Variants in SLC2A11 observed in about 807,000 individuals in gnomAD.
SLC2A11 encodes the protein solute carrier family 2, facilitated glucose transporter member 11.
SLC2A11 carries 43 observed loss-of-function variants against 52.1 expected under a neutral mutation model. The observed-to-expected ratio is 0.82, with a 90% CI of 0.65 to 1.06. The LOEUF is 1.06. Ranked by LOEUF, SLC2A11 falls within the 50% of genes least tolerant of loss-of-function variation. The pLI, the probability that SLC2A11 is intolerant of heterozygous loss-of-function variation, is 0.00. For missense variants in SLC2A11, 582 were observed against 654.2 expected (o/e 0.89, Z 1.20); for synonymous variants, 261 against 277.6 (o/e 0.94, Z 0.59).
intron 2 of SLC2A11, 193 bp from the exon 3 acceptor site, chr22:23,868,288 C>T (rs966504953): frequency 6.6e-6 from 4 of 605,862 alleles, no homozygotes; most frequent in Non-Finnish European, 1.1e-5. Flanking sequence ...CATGAAAGAA[C>T]CAGCATGGTG....
chr22:23,877,234 C>T, intron 5 of SLC2A11, 63 bp downstream of exon 5: 3 of 1,571,012 alleles, frequency 1.9e-6, no homozygotes, highest in Non-Finnish European at 2.6e-6. Flanking sequence ...CGTTTCTTCA[C>T]CTAAATGTCT....
chr22:23,877,036 G>T lies in SLC2A11; in HGVS notation c.416-6G>T. Reference sequence around the variant, plus strand: ...GCTGACGTGCCTCTGCTGTGCACACGTCCAGGTGTGAGCATGAACATCCAG... The same window carrying T: ...GCTGACGTGCCTCTGCTGTGCACACTTCCAGGTGTGAGCATGAACATCCAG... On this transcript the variant is annotated splice_polypyrimidine_tract_variant and splice_region_variant and intron_variant, in intron 4 of 11. Coordinates refer to ENST00000316185, the MANE Select transcript of SLC2A11 (RefSeq NM_001024939.4). 6.2e-7 allele frequency: 1 copy of T among 1,613,898 alleles called. No homozygotes were observed.
intron 3 of SLC2A11, among the ~76,000 whole-genome samples, chr22:23,874,597 G>A (rs1265189468): frequency 6.6e-6 from 1 of 152,018 alleles, no homozygotes; most frequent in Admixed American, 6.6e-5. Flanking sequence ...TTACAGGCAT[G>A]TGCCACCATG....
At chr22:23,860,438 A>G (rs1360530583) in intron 1 of SLC2A11, among the ~76,000 whole-genome samples, 1 of 151,738 alleles carries the variant, frequency 6.6e-6, no homozygotes, top group Non-Finnish European at 1.5e-5. Flanking sequence ...AAAATCACCA[A>G]AGGAGAAAGA....
At chr22:23,863,607 GGTTTTTTTTTTT>G (rs1372140016) in intron 2 of SLC2A11, among the ~76,000 whole-genome samples, 2 of 113,168 alleles carry the variant, frequency 1.8e-5, no homozygotes, top group Non-Finnish European at 3.8e-5. Context: ...CTCTCTCTCT[GGTTTTTTTTTTT>G]TTTTTTTTTT....
chr22:23,862,047 C>G, intron 1 of SLC2A11, 57 bp from the exon 2 acceptor site: 1 of 1,423,068 alleles, frequency 7.0e-7, no homozygotes, highest in East Asian at 2.3e-5. Context: ...CAGCTCTGGT[C>G]CAGGGAGGGG....
chr22:23,868,203 A>G, intron 2 of SLC2A11: 1 of 499,250 alleles, frequency 2.0e-6, no homozygotes, highest in Non-Finnish European at 3.6e-6. Flanking sequence ...GTATTGTGTG[A>G]GTAGAGAGAA....
chr22:23,884,731 A>C lies in SLC2A11; in HGVS notation c.1382A>C (p.Glu461Ala). 1.2e-6 allele frequency: 2 copies of C among 1,614,054 alleles called. No individual in the cohort carries two copies. Among genetic ancestry groups the C allele is most frequent in the Non-Finnish European group, 1.7e-6 (2 of 1,180,004 alleles). ...ATCTACACTGGCCTGTTCCTTCCTG[A>C]GACCAAAGGCAAGACCTTCCAAGAG... Reference protein sequence around the residue: ...GAIYTGLFLPETKGKTFQEIS... With the variant: ...GAIYTGLFLPATKGKTFQEIS... Residue 461 changes from glutamate to alanine, a missense_variant, in exon 12 of 12, where the codon GAG (glutamate) becomes GCG (alanine). Glu to Ala is a moderately radical substitution (Grantham distance 107). Coordinates refer to ENST00000316185, the MANE Select transcript of SLC2A11 (RefSeq NM_001024939.4). The surrounding 1 kb of genome is among the most constrained non-coding windows in gnomAD (Gnocchi z 4.3).
Position 23,882,439 on chromosome 22 carries a change from T to C in SLC2A11, c.695-20T>C. The stretch of plus-strand genomic sequence containing the variant: ...AGGGGCTTGGGGACGGGGAGCTCAG[T>C]ACCCTCCTCCCTGGCTCAGCACTAC... On this transcript the variant is annotated intron_variant, in intron 6 of 11. Coordinates refer to ENST00000316185, the MANE Select transcript of SLC2A11 (RefSeq NM_001024939.4). 1 of 1,514,062 alleles carries C rather than the reference T, an allele frequency of 6.6e-7. No individual in the cohort carries two copies. The highest frequency in any genetic ancestry group is 8.8e-7 in the Non-Finnish European group (1 of 1,133,458). The allele number at this position is 1,514,062 out of a possible 1,614,324, so 93.8% of individuals were successfully genotyped here.
chr22:23,882,807 G>C lies in SLC2A11; in HGVS notation c.931G>C (p.Ala311Pro). 1 of 1,613,956 alleles carries C rather than the reference G, an allele frequency of 6.2e-7. No homozygotes were observed. Reference sequence around the variant, plus strand: ...GTTCCGGAAGGCAGGAGTGCCGGAAGCGAAGATCCAGTACGCGATCATCGG... The same window carrying C: ...GTTCCGGAAGGCAGGAGTGCCGGAACCGAAGATCCAGTACGCGATCATCGG... ...SVFRKAGVPE[A>P]KIQYAIIGTG... Residue 311 changes from alanine to proline, a missense_variant, in exon 8 of 12, where the codon GCG becomes CCG. Coordinates refer to ENST00000316185, the MANE Select transcript of SLC2A11 (RefSeq NM_001024939.4).
At chr22:23,860,508 G>C (rs1369972130) in intron 1 of SLC2A11, among the ~76,000 whole-genome samples, 1 of 152,088 alleles carries the variant, frequency 6.6e-6, no homozygotes, top group Admixed American at 6.6e-5. Flanking sequence ...GGTGGCTCAC[G>C]TCTGTAATCT....
rs962193742 is a variant in SLC2A11, at chr22:23,862,307, G to A, written c.129+105G>A. ...AGGCATCCACTAGGTGGCACTTTCTGCCACAAGTTTGTCTCCATTGGGTTG... is the reference window on the plus strand; with the variant it reads ...AGGCATCCACTAGGTGGCACTTTCTACCACAAGTTTGTCTCCATTGGGTTG... On this transcript the variant is annotated intron_variant, in intron 2 of 11. Coordinates refer to ENST00000316185, the MANE Select transcript of SLC2A11 (RefSeq NM_001024939.4). The A allele has an allele frequency of 1.7e-5, 18 of 1,056,134 alleles. No individual in the cohort carries two copies. In the African/African-American group the frequency reaches 1.9e-4, roughly 11 times the overall value. 65.4% of individuals were successfully genotyped at this position (1,056,134 alleles called of 1,614,324 possible). A position where few individuals can be genotyped will look rare whatever the true frequency, so the allele number is the denominator to read the frequency against.
chr22:23,884,106 G>A lies in SLC2A11; in HGVS notation c.1171+82G>A. The A allele has an allele frequency of 6.4e-7, 1 of 1,556,362 alleles. No homozygotes were observed. The highest frequency in any genetic ancestry group is 1.2e-5 in the South Asian group (1 of 86,356). The stretch of plus-strand genomic sequence containing the variant: ...GCCTGGGTGCACAGTGGGTGGGTGT[G>A]AATGCAATGTCCCCTGCAGGCCCTC... On this transcript the variant is annotated intron_variant, in intron 10 of 11. Coordinates refer to ENST00000316185, the MANE Select transcript of SLC2A11 (RefSeq NM_001024939.4). The surrounding 1 kb of genome is among the most constrained non-coding windows in gnomAD (Gnocchi z 4.3).
chr22:23,882,845 C>G lies in SLC2A11; in HGVS notation c.969C>G (p.Cys323Trp). 6.2e-7 allele frequency: 1 copy of G among 1,613,308 alleles called. No individual in the cohort carries two copies. The highest frequency in any genetic ancestry group is 8.5e-7 in the Non-Finnish European group (1 of 1,179,674). Reference sequence around the variant, plus strand: ...ACGCGATCATCGGGACTGGGAGCTGCGAGCTGCTCACGGCGGTTGTTAGTG... The same window carrying G: ...ACGCGATCATCGGGACTGGGAGCTGGGAGCTGCTCACGGCGGTTGTTAGTG... ...IQYAIIGTGS[C>W]ELLTAVVSCV... The change falls in exon 8 of 12, where the codon TGC (cysteine) becomes TGG (tryptophan). Residue 323 changes from cysteine (C) to tryptophan (W), a missense_variant. Transcript: ENST00000316185.
rs76648901 is a variant in SLC2A11, at chr22:23,867,496, C to A, written c.130-985C>A. The A allele has an allele frequency of 8.1e-3, 2,646 of 325,296 alleles. 49 individuals carry two copies. Among genetic ancestry groups the A allele is most frequent in the African/African-American group, 0.046 (2,131 of 46,226 alleles). 20.2% of individuals were successfully genotyped at this position (325,296 alleles called of 1,614,324 possible). On this transcript the variant is annotated intron_variant, in intron 2 of 11. Coordinates refer to ENST00000316185, the MANE Select transcript of SLC2A11 (RefSeq NM_001024939.4). ...TACAGGTGTGAGCCACCGTGCCTGG[C>A]CACGGAATTTCTTGAGTGATAGGAG... is the stretch of plus-strand genomic sequence containing the variant.
chr22:23,877,090 A>T lies in SLC2A11; in HGVS notation c.464A>T (p.Lys155Met), dbSNP rs761282787. Residue 155 changes from lysine to methionine, a missense_variant, in exon 5 of 12, where the codon AAG (lysine) becomes ATG (methionine). Transcript: ENST00000316185. ...ATGTACCTGGGGGAGAGCGCCCCTA[A>T]GGAGCTCCGAGGAGCTGTGGCCATG... ...QPMYLGESAP[K>M]ELRGAVAMSS... The T allele has an allele frequency of 5.0e-6, 8 of 1,613,788 alleles. No homozygotes were observed. The highest frequency in any genetic ancestry group is 6.8e-6 in the Non-Finnish European group (8 of 1,179,976).
upstream of SLC2A11, chr22:23,857,356 TGC>T: frequency 6.8e-7 from 1 of 1,467,498 alleles, no homozygotes. Context: ...TGCTGGCACT[TGC>T]GAGGGCGAAT....
chr22:23,878,461 C>T (rs1271699991), intron 6 of SLC2A11, among the ~76,000 whole-genome samples: 1 of 152,104 alleles, frequency 6.6e-6, no homozygotes, highest in Non-Finnish European at 1.5e-5. Context: ...ACTTTTGGTA[C>T]CAACGAGTTA....
rs763206082 is a variant in SLC2A11 at position 23,882,524 on chromosome 22, G to A, written c.760G>A (p.Ala254Thr). 4 of 1,597,350 alleles carry A rather than the reference G, an allele frequency of 2.5e-6. No homozygotes were observed. The highest frequency in any genetic ancestry group is 2.3e-5 in the East Asian group (1 of 43,742). ...GCTGGAGGAGCTGGAGGAGGAGCGCGCTGCCTGCCAGGGCTGCCGTGCCCG... is the reference window on the plus strand; with the variant it reads ...GCTGGAGGAGCTGGAGGAGGAGCGCACTGCCTGCCAGGGCTGCCGTGCCCG... ...GELEELEEER[A>T]ACQGCRARRP... The change falls in exon 7 of 12, where the codon GCT becomes ACT. Residue 254 changes from alanine (A) to threonine (T), a missense_variant. By Grantham distance (58) the Ala-to-Thr change is moderately conservative (BLOSUM62 0). Transcript: ENST00000316185.
Sources: allele counts gnomAD v4.1 joint callset (sites outside exome capture counted in the v4.1 genomes callset), GRCh38; gene constraint gnomAD v4.1.1; non-coding constraint Gnocchi (gnomAD v3.1); transcripts MANE v1.5; gene names NCBI Gene and HGNC (gene_info 2026-07-23, HGNC 2026-07-21).